Variants in CAPZA2 observed in about 807,000 individuals in gnomAD.
CAPZA2 encodes the protein capping actin protein of muscle Z-line subunit alpha 2.
Under a neutral mutation model 44.0 loss-of-function variants are expected in CAPZA2, and 13 were observed. That is an observed-to-expected ratio of 0.30 (90% CI 0.19 to 0.47). CAPZA2 has a LOEUF of 0.47. Among genes scored for constraint, CAPZA2 ranks in the 20% least tolerant of loss-of-function variants. CAPZA2 has a pLI of 1.00. For missense variants in CAPZA2, 244 were observed against 338.6 expected, an observed-to-expected ratio of 0.72 and a Z score of 2.19; for synonymous variants, 94 against 108.2, an observed-to-expected ratio of 0.87 and a Z score of 0.81.
chr7:116,890,581 TATATATATATATATATAC>T (rs1796830227), intron 2 of CAPZA2, among the ~76,000 whole-genome samples: 13 of 24,294 alleles, frequency 5.4e-4, no homozygotes, highest in African/African-American at 2.7e-3. Flanking sequence ...CATATATATA[TATATATATATATATATAC>T]ACACACACAC....
intron 1 of CAPZA2, among the ~76,000 whole-genome samples, chr7:116,887,474 G>A (rs2115917087): frequency 6.6e-6 from 1 of 151,722 alleles, no homozygotes; most frequent in South Asian, 2.1e-4. Flanking sequence ...GTTGCAGTGA[G>A]CCAAGATCAC....
intron 1 of CAPZA2, among the ~76,000 whole-genome samples, chr7:116,864,422 G>A (rs1796455775): frequency 6.6e-6 from 1 of 152,162 alleles, no homozygotes; most frequent in Admixed American, 6.6e-5. Flanking sequence ...CTTAAAGCCT[G>A]TGCCGCCTAG....
chr7:116,890,187 G>A (rs999245069), intron 2 of CAPZA2, among the ~76,000 whole-genome samples: 5 of 152,066 alleles, frequency 3.3e-5, no homozygotes, highest in Admixed American at 2.0e-4. Context: ...AAGAATGTAT[G>A]CATCCTAGAA....
chr7:116,908,626 G>A (rs1263843441), intron 6 of CAPZA2, among the ~76,000 whole-genome samples: 1 of 151,956 alleles, frequency 6.6e-6, no homozygotes, highest in Non-Finnish European at 1.5e-5. Flanking sequence ...CCACTACTTG[G>A]TTTGGAATTA....
intron 1 of CAPZA2, among the ~76,000 whole-genome samples, chr7:116,885,612 C>T (rs1796752520): frequency 6.6e-6 from 1 of 152,138 alleles, no homozygotes; most frequent in Admixed American, 6.5e-5. Flanking sequence ...GCTATAGATC[C>T]AGATTCTCAG....
At chr7:116,900,412 A>T (rs1316158582) in intron 4 of CAPZA2, among the ~76,000 whole-genome samples, 1 of 151,804 alleles carries the variant, frequency 6.6e-6, no homozygotes, top group Admixed American at 6.6e-5. Flanking sequence ...ACCAAAAAAA[A>T]AAAAGCTATT....
At chr7:116,905,034 C>T (rs1443913602) in intron 5 of CAPZA2, among the ~76,000 whole-genome samples, 1 of 146,130 alleles carries the variant, frequency 6.8e-6, no homozygotes, top group Non-Finnish European at 1.5e-5. Flanking sequence ...CCCAGCTACT[C>T]GGGAGGCTGA....
At chr7:116,892,917 T>A in intron 2 of CAPZA2, 77 bp from the exon 3 acceptor site, 1 of 961,130 alleles carries the variant, frequency 1.0e-6, no homozygotes, top group Non-Finnish European at 1.6e-6. Flanking sequence ...TGTTAATACA[T>A]CACCAAAACA....
At position 116,918,339 on chromosome 7, in the gene CAPZA2, C is replaced by T. The variant is rs1191114334; in HGVS notation, c.*472C>T. On this transcript the variant is annotated 3_prime_UTR_variant, in exon 10 of 10. Coordinates refer to ENST00000361183, the MANE Select transcript of CAPZA2 (RefSeq NM_006136.3). ...AAATTGTCTACCTTTTCTTCCTCAC[C>T]TGTTCCATTTATGTAAAGTTGAGAT... 1 of 155,156 alleles carries T rather than the reference C, an allele frequency of 6.4e-6. No individual in the cohort carries two copies. Among genetic ancestry groups the T allele is most frequent in the African/African-American group, 2.4e-5 (1 of 41,460 alleles). 9.6% of individuals were successfully genotyped at this position (155,156 alleles called of 1,614,324 possible).
intron 1 of CAPZA2, 65 bp downstream of exon 1, chr7:116,862,715 G>T: frequency 6.7e-7 from 1 of 1,485,238 alleles, no homozygotes; most frequent in South Asian, 1.2e-5. Context: ...GGGTGGGCCC[G>T]GAGTCTGGTC....
Position 116,888,426 on chromosome 7 carries a change from T to C in CAPZA2, c.103+236T>C, listed in dbSNP as rs1262849180. The C allele has an allele frequency of 1.0e-5, 4 of 393,672 alleles. No homozygotes were observed. The East Asian group carries it at 1.7e-4, about 16-fold the overall frequency. 24.4% of individuals were successfully genotyped at this position (393,672 alleles called of 1,614,324 possible). ...AAGCCTGAAATAAATTTTATTCATA[T>C]CACTGACTAGAATATATCCTCATTC... On this transcript the variant is annotated intron_variant, in intron 2 of 9. Coordinates refer to ENST00000361183, the MANE Select transcript of CAPZA2 (RefSeq NM_006136.3).
At chr7:116,916,258 AAG>A in intron 9 of CAPZA2, 136 bp downstream of exon 9, 6 of 835,812 alleles carry the variant, frequency 7.2e-6, no homozygotes, top group Non-Finnish European at 1.0e-5. Flanking sequence ...TTTTAACACA[AAG>A]GCAGACTTAC....
chr7:116,913,769 A>ATTT (rs10717939), intron 8 of CAPZA2, among the ~76,000 whole-genome samples: 5 of 87,696 alleles, frequency 5.7e-5, no homozygotes, highest in African/African-American at 8.9e-5. Context: ...CACCCAGCTA[A>ATTT]TTTTTTTTTT....
intron 8 of CAPZA2, 74 bp downstream of exon 8, chr7:116,912,214 TTAAG>T: frequency 6.4e-7 from 1 of 1,570,578 alleles, no homozygotes; most frequent in East Asian, 2.3e-5. Flanking sequence ...AATGAACATT[TTAAG>T]TAATATTTCT....
At chr7:116,892,146 C>T (rs768137243) in intron 2 of CAPZA2, among the ~76,000 whole-genome samples, 1 of 152,036 alleles carries the variant, frequency 6.6e-6, no homozygotes, top group Non-Finnish European at 1.5e-5. Context: ...TTTTTCATGG[C>T]TGCCTAGTTT....
Position 116,921,949 on chromosome 7 carries a change from A to C in CAPZA2, c.*4082A>C, listed in dbSNP as rs1198572583. 6.6e-6 allele frequency: 1 copy of C among 152,174 alleles called. No individual in the cohort carries two copies. The highest frequency in any genetic ancestry group is 1.5e-5 in the Non-Finnish European group (1 of 68,020). The allele number at this position is 152,174 out of a possible 1,614,324, so 9.4% of individuals were successfully genotyped here. A position where few individuals can be genotyped will look rare whatever the true frequency, so the allele number is the denominator to read the frequency against. ...CACTTGGATATATGATTACATTTTA[A>C]TAAGTTATATAAATATGCAGATATT... On this transcript the variant is annotated 3_prime_UTR_variant, in exon 10 of 10. Coordinates refer to ENST00000361183, the MANE Select transcript of CAPZA2 (RefSeq NM_006136.3).
chr7:116,898,531 T>C (rs1796954235), intron 3 of CAPZA2, among the ~76,000 whole-genome samples: 1 of 152,132 alleles, frequency 6.6e-6, no homozygotes, highest in East Asian at 1.9e-4. Context: ...AGGCCAGTTA[T>C]ATTTACTGAT....
Position 116,898,829 on chromosome 7 carries a change from A to G in CAPZA2, c.213A>G (p.Glu71=), listed in dbSNP as rs1796958706. The change falls in exon 4 of 10, where the codon GAA becomes GAG. Residue 71 remains glutamate, a synonymous_variant. Coordinates refer to ENST00000361183, the MANE Select transcript of CAPZA2 (RefSeq NM_006136.3). Reference sequence around the variant, plus strand: ...CTCCAGTAAAAATTGAAGGTTATGAAGATCAGGTATGTTTCATATAAACAC... The same window carrying G: ...CTCCAGTAAAAATTGAAGGTTATGAGGATCAGGTATGTTTCATATAAACAC... ...QFTPVKIEGY[E]DQVLITEHGD... The G allele has an allele frequency of 1.3e-6, 2 of 1,574,546 alleles. No individual in the cohort carries two copies. The highest frequency in any genetic ancestry group is 1.7e-6 in the Non-Finnish European group (2 of 1,146,990).
Position 116,898,918 on chromosome 7 carries a change from A to G in CAPZA2, c.219+83A>G, listed in dbSNP as rs1045724916. The G allele has an allele frequency of 3.8e-5, 30 of 788,440 alleles. No homozygotes were observed. In the South Asian group the frequency reaches 4.1e-4, roughly 11 times the overall value. 48.8% of individuals were successfully genotyped at this position (788,440 alleles called of 1,614,324 possible). ...AAGAGCTGTGAAGTGGTATGCTGCA[A>G]GATAAAAAATTATTCATATTTTAAT... On this transcript the variant is annotated intron_variant, in intron 4 of 9. Transcript: ENST00000361183.
Sources: allele counts gnomAD v4.1 joint callset (sites outside exome capture counted in the v4.1 genomes callset), GRCh38; gene constraint gnomAD v4.1.1; transcripts MANE v1.5; gene names NCBI Gene and HGNC (gene_info 2026-07-23, HGNC 2026-07-21).